Variants in ICA1 observed in about 807,000 individuals in gnomAD.
ICA1 encodes islet cell autoantigen 1, also known as 69 kDa islet cell autoantigen.
Under a neutral mutation model 71.0 loss-of-function variants are expected in ICA1, and 40 were observed. The observed-to-expected ratio is 0.56, with a 90% confidence interval of 0.44 to 0.73. The LOEUF is 0.73. Ranked by LOEUF, ICA1 falls within the 30% of genes least tolerant of loss-of-function variation. The pLI is 0.00. For synonymous variants in ICA1, 207 were observed against 209.5 expected (o/e 0.99, Z 0.10); for missense variants, 578 against 576.5 (o/e 1.00, Z -0.03).
chr7:8,201,432 C>T (rs1319386985), intron 6 of ICA1, among the ~76,000 whole-genome samples: 1 of 152,150 alleles, frequency 6.6e-6, no homozygotes, highest in African/African-American at 2.4e-5. Context: ...GGGCTGGGGC[C>T]TTCAATCAGG....
chr7:8,237,610 C>T (rs1003818872), intron 1 of ICA1, among the ~76,000 whole-genome samples: 2 of 152,126 alleles, frequency 1.3e-5, no homozygotes, highest in African/African-American at 4.8e-5. Flanking sequence ...CTCCCACAGC[C>T]CCCAGCAACC....
chr7:8,257,190 T>C (rs537846883), intron 1 of ICA1, among the ~76,000 whole-genome samples: 2 of 152,368 alleles, frequency 1.3e-5, no homozygotes, highest in South Asian at 2.1e-4. Flanking sequence ...CAATTGCTGA[T>C]TGATTTCTTC....
intron 6 of ICA1, among the ~76,000 whole-genome samples, chr7:8,161,197 A>G (rs1803650948): frequency 6.6e-6 from 1 of 152,242 alleles, no homozygotes; most frequent in African/African-American, 2.4e-5. Context: ...GAGGTACATA[A>G]CAGGGAGTCA....
At chr7:8,242,790 G>T (rs1332195213) in intron 1 of ICA1, among the ~76,000 whole-genome samples, 2 of 151,982 alleles carry the variant, frequency 1.3e-5, no homozygotes, top group East Asian at 1.9e-4. Context: ...TAAACACCTC[G>T]ATGCAAATAA....
At chr7:8,147,466 C>T (rs1474809694) in intron 8 of ICA1, among the ~76,000 whole-genome samples, 1 of 152,002 alleles carries the variant, frequency 6.6e-6, no homozygotes, top group Non-Finnish European at 1.5e-5. Flanking sequence ...ACTATTATTC[C>T]TAAAACAATT....
At position 8,221,290 on chromosome 7, in the gene ICA1, A is replaced by T; in HGVS notation, c.365T>A (p.Phe122Tyr). The change falls in exon 5 of 14, where the codon TTT (phenylalanine) becomes TAT (tyrosine). Residue 122 changes from phenylalanine (F) to tyrosine (Y), a missense_variant. Coordinates refer to ENST00000402384, the MANE Select transcript of ICA1 (RefSeq NM_001136020.3). ...MMQATGKALC[F>Y]SSQQRLALRN... The stretch of plus-strand genomic sequence containing the variant: ...GGCCACACACCTTTGCTGGGAAGAA[A>T]AGCAGAGGGCCTTTCCTGTCGCTTG... The T allele has an allele frequency of 6.2e-7, 1 of 1,613,568 alleles. No individual in the cohort carries two copies. The highest frequency in any genetic ancestry group is 8.5e-7 in the Non-Finnish European group (1 of 1,179,632).
chr7:8,125,561 C>T (rs1245824548), intron 13 of ICA1, among the ~76,000 whole-genome samples: 1 of 152,228 alleles, frequency 6.6e-6, no homozygotes, highest in Admixed American at 6.5e-5. Context: ...CTACTTTTTC[C>T]TTTTCTCCCT....
At chr7:8,158,984 G>C (rs1306991481) in intron 6 of ICA1, among the ~76,000 whole-genome samples, 2 of 152,180 alleles carry the variant, frequency 1.3e-5, no homozygotes, top group African/African-American at 4.8e-5. Flanking sequence ...AATCAGCTTT[G>C]CTCCATTGTT....
At chr7:8,250,999 A>C (rs1271409183) in intron 1 of ICA1, among the ~76,000 whole-genome samples, 4 of 152,000 alleles carry the variant, frequency 2.6e-5, no homozygotes, top group Non-Finnish European at 4.4e-5. Context: ...TCCTGGGCTC[A>C]AGTGATCCCC....
chr7:8,152,619 T>A (rs1391464831), intron 8 of ICA1, among the ~76,000 whole-genome samples: 42 of 114,088 alleles, frequency 3.7e-4, no homozygotes, highest in Non-Finnish European at 6.3e-4. Flanking sequence ...CACCATCACC[T>A]CTTCCACCAC....
At chr7:8,204,416 G>A (rs557542440) in intron 6 of ICA1, among the ~76,000 whole-genome samples, 42 of 152,282 alleles carry the variant, frequency 2.8e-4, no homozygotes, top group Non-Finnish European at 2.2e-4. Flanking sequence ...TCATACCCTC[G>A]CTAAACTCTT....
At chr7:8,251,402 C>T (rs537590913) in intron 1 of ICA1, among the ~76,000 whole-genome samples, 3 of 150,106 alleles carry the variant, frequency 2.0e-5, no homozygotes, top group African/African-American at 7.4e-5. Context: ...GTCATCACTT[C>T]AGCGATCTGG....
intron 8 of ICA1, among the ~76,000 whole-genome samples, chr7:8,149,417 A>G (rs1798077334): frequency 6.6e-6 from 1 of 152,254 alleles, no homozygotes. Context: ...CCATGCTTAA[A>G]TGGTTTCAGG....
intron 12 of ICA1, among the ~76,000 whole-genome samples, chr7:8,134,626 A>G: frequency 6.6e-6 from 1 of 152,156 alleles, no homozygotes; most frequent in East Asian, 1.9e-4. Context: ...CACCAACACT[A>G]TCCTCACATC....
In ICA1 at chr7:8,232,592, C is replaced by G; in HGVS notation, c.181G>C (p.Glu61Gln). The G allele has an allele frequency of 6.8e-6, 11 of 1,609,320 alleles. No homozygotes were observed. Among genetic ancestry groups the G allele is most frequent in the Non-Finnish European group, 9.3e-6 (11 of 1,177,612 alleles). Residue 61 changes from glutamate (E) to glutamine (Q), a missense_variant and splice_region_variant, in exon 3 of 14, where the codon GAG (glutamate) becomes CAG (glutamine). Glu to Gln is a conservative substitution (Grantham distance 29, BLOSUM62 2). Transcript: ENST00000402384. Reference protein sequence around the residue: ...ASDADLDAKLELFHSIQRTCL... With the variant: ...ASDADLDAKLQLFHSIQRTCL... ...GCTGACAGCAATAAAGAGCTCACCT[C>G]TAGCTTGGCATCCAGGTCCGCGTCA...
chr7:8,199,244 G>A (rs1024527078), intron 6 of ICA1, among the ~76,000 whole-genome samples: 1 of 152,172 alleles, frequency 6.6e-6, no homozygotes, highest in Non-Finnish European at 1.5e-5. Flanking sequence ...CAAAAGAAAG[G>A]AAATCAGTAT....
chr7:8,182,605 T>C (rs542666895), intron 6 of ICA1, among the ~76,000 whole-genome samples: 1 of 152,262 alleles, frequency 6.6e-6, no homozygotes, highest in South Asian at 2.1e-4. Context: ...GGGTGATATA[T>C]TTCCTCTAAA....
At position 8,228,636 on chromosome 7, in the gene ICA1, G is replaced by A. The variant is rs776621478; in HGVS notation, c.221C>T (p.Ser74Leu). The A allele has an allele frequency of 1.3e-5, 21 of 1,599,730 alleles. No homozygotes were observed. The highest frequency in any genetic ancestry group is 2.3e-5 in the South Asian group (2 of 88,276). ...CTTTTGATAGAGTACAATTGCTTTC[G>A]ATAAGTCCAGACAGGTTCTCTGAAT... ...HSIQRTCLDLSKAIVLYQKRI... is the reference protein window; with the variant it reads ...HSIQRTCLDLLKAIVLYQKRI... Residue 74 changes from serine (S) to leucine (L), a missense_variant, in exon 4 of 14, where the codon TCG (serine) becomes TTG (leucine). Transcript: ENST00000402384.
rs760571120 is a variant in ICA1, at chr7:8,228,650, G to C, written c.207C>G (p.Thr69=). 8 of 1,599,792 alleles carry C rather than the reference G, an allele frequency of 5.0e-6. No individual in the cohort carries two copies. The highest frequency in any genetic ancestry group is 3.3e-4 in the Middle Eastern group (2 of 6,024). ...CAATTGCTTTCGATAAGTCCAGACA[G>C]GTTCTCTGAATTGAATGAAACAGCT... is the stretch of plus-strand genomic sequence containing the variant. ...KLELFHSIQR[T]CLDLSKAIVL... is the part of the protein sequence containing the mutation. The change falls in exon 4 of 14, where the codon ACC becomes ACG. Residue 69 remains threonine, a synonymous_variant. Transcript: ENST00000402384.
Sources: allele counts gnomAD v4.1 joint callset (sites outside exome capture counted in the v4.1 genomes callset), GRCh38; gene constraint gnomAD v4.1.1; transcripts MANE v1.5; gene names NCBI Gene and HGNC (gene_info 2026-07-23, HGNC 2026-07-21).